The following MAML2 variants were observed in gnomAD, a reference collection of about 807,000 sequenced individuals.
The protein encoded by MAML2 is mastermind-like protein 2.
MAML2 carries 22 observed loss-of-function variants against 96.1 expected under a neutral mutation model. That is an observed-to-expected ratio of 0.23 (90% CI 0.16 to 0.33). The LOEUF is 0.33. Among genes scored for constraint, MAML2 ranks in the 10% least tolerant of loss-of-function variants. MAML2 has a pLI of 1.00. For missense variants in MAML2, 1,367 were observed against 1,392.4 expected (o/e 0.98, Z 0.29); for synonymous variants, 561 against 521.3 (o/e 1.08, Z -1.04).
chr11:96,164,773 A>T lies in MAML2; in HGVS notation c.514-71256T>A, dbSNP rs537985668. Among the ~76,000 whole-genome samples the T allele has an allele frequency of 5.4e-4, 82 of 152,348 alleles. 1 individual carries two copies. Among genetic ancestry groups the T allele is most frequent in the African/African-American group, 1.9e-3 (79 of 41,574 alleles). ...CTTTGATGTACAATGCTTAAGACAG[A>T]TAGTGTGTCACTTTCATAAGTAAAG... On this transcript the variant is annotated intron_variant, in intron 1 of 4. Coordinates refer to ENST00000524717, the MANE Select transcript of MAML2 (RefSeq NM_032427.4).
At chr11:95,986,105 C>T (rs761122689) in intron 3 of MAML2, among the ~76,000 whole-genome samples, 6 of 152,122 alleles carry the variant, frequency 3.9e-5, no homozygotes, top group Non-Finnish European at 8.8e-5. Flanking sequence ...CAGGTACCTA[C>T]GTAGAATTCT....
chr11:96,339,009 A>G (rs10501852), intron 1 of MAML2, among the ~76,000 whole-genome samples: 3,460 of 152,332 alleles, frequency 0.023, 68 homozygotes, highest in Admixed American at 0.041. Flanking sequence ...CGTGCTGAGT[A>G]ACAACGGGCC....
chr11:96,077,522 A>G (rs1309607464), intron 2 of MAML2, among the ~76,000 whole-genome samples: 2 of 152,244 alleles, frequency 1.3e-5, no homozygotes, highest in Non-Finnish European at 2.9e-5. Flanking sequence ...CAACTGGCCT[A>G]CCCCATCTTT....
intron 1 of MAML2, among the ~76,000 whole-genome samples, chr11:96,312,244 A>AAAAAAAAAAAAAAAAT (rs60194294): frequency 1.4e-5 from 2 of 147,740 alleles, no homozygotes; most frequent in Non-Finnish European, 1.5e-5. Flanking sequence ...AAAAAAAAAA[A>AAAAAAAAAAAAAAAAT]GAATGAGCAA....
intron 1 of MAML2, among the ~76,000 whole-genome samples, chr11:96,116,097 G>T (rs933003708): frequency 9.9e-5 from 15 of 152,276 alleles, no homozygotes; most frequent in Admixed American, 7.2e-4. Context: ...AACACAGACA[G>T]CAGAGGGGCA....
At chr11:95,983,526 C>G (rs1303249319) in intron 4 of MAML2, among the ~76,000 whole-genome samples, 1 of 152,064 alleles carries the variant, frequency 6.6e-6, no homozygotes, top group Non-Finnish European at 1.5e-5. Flanking sequence ...ATAATTTATA[C>G]TATGTTTTCA....
At chr11:96,011,182 T>C (rs941674715) in intron 2 of MAML2, among the ~76,000 whole-genome samples, 2 of 152,156 alleles carry the variant, frequency 1.3e-5, no homozygotes, top group African/African-American at 4.8e-5. Context: ...GAACTAAAAA[T>C]AGAACTACCA....
At chr11:96,167,856 G>A (rs773219198) in intron 1 of MAML2, among the ~76,000 whole-genome samples, 10 of 152,138 alleles carry the variant, frequency 6.6e-5, no homozygotes, top group Non-Finnish European at 1.2e-4. Flanking sequence ...TCTTGACACC[G>A]TTGGCAGTTA....
At chr11:96,310,881 A>G (rs1322855503) in intron 1 of MAML2, among the ~76,000 whole-genome samples, 1 of 152,262 alleles carries the variant, frequency 6.6e-6, no homozygotes, top group Non-Finnish European at 1.5e-5. Flanking sequence ...CATATTTTAC[A>G]ATATCATTTA....
intron 2 of MAML2, among the ~76,000 whole-genome samples, chr11:96,037,205 C>CTAA (rs1858730896): frequency 6.6e-6 from 1 of 150,984 alleles, no homozygotes; most frequent in African/African-American, 2.4e-5. Flanking sequence ...ACAACAACAA[C>CTAA]AAAAAAAATA....
At chr11:96,060,948 CTG>C (rs1859149318) in intron 2 of MAML2, among the ~76,000 whole-genome samples, 1 of 152,156 alleles carries the variant, frequency 6.6e-6, no homozygotes, top group Admixed American at 6.5e-5. Flanking sequence ...GAAAGAGAGA[CTG>C]AGAACTCAAG....
At chr11:96,176,798 T>C (rs1202320431) in intron 1 of MAML2, among the ~76,000 whole-genome samples, 3 of 152,132 alleles carry the variant, frequency 2.0e-5, no homozygotes, top group Admixed American at 6.5e-5. Flanking sequence ...CTTTAATCTT[T>C]CCAGGGTTTA....
At chr11:96,274,104 A>T (rs1350874407) in intron 1 of MAML2, among the ~76,000 whole-genome samples, 3 of 114,194 alleles carry the variant, frequency 2.6e-5, no homozygotes, top group South Asian at 5.4e-4. Flanking sequence ...TTTTTTTTAG[A>T]AGGAGTCTCG....
In MAML2 at chr11:95,979,837, G is replaced by A; in HGVS notation, c.2582C>T (p.Ser861Phe). The change falls in exon 5 of 5, where the codon TCT becomes TTT. Residue 861 changes from serine (S) to phenylalanine (F), a missense_variant. Transcript: ENST00000524717. Reference sequence around the variant, plus strand: ...CATCCCCATATTCTGAACTGCTGTAGATAATGATGGCATTCTTGTCCCGTG... The same window carrying A: ...CATCCCCATATTCTGAACTGCTGTAAATAATGATGGCATTCTTGTCCCGTG... Reference protein sequence around the residue: ...TSHGTRMPSLSTAVQNMGMYG... With the variant: ...TSHGTRMPSLFTAVQNMGMYG... The A allele has an allele frequency of 6.2e-7, 1 of 1,613,972 alleles. No homozygotes were observed. Among genetic ancestry groups the A allele is most frequent in the Non-Finnish European group, 8.5e-7 (1 of 1,179,850 alleles).
chr11:96,113,553 AC>A (rs1353290655), intron 1 of MAML2, among the ~76,000 whole-genome samples: 1 of 151,506 alleles, frequency 6.6e-6, no homozygotes, highest in East Asian at 1.9e-4. Flanking sequence ...TCATCCAAGC[AC>A]ACTGAACAGC....
chr11:95,986,498 C>G (rs1028461615), intron 3 of MAML2, among the ~76,000 whole-genome samples: 4 of 152,090 alleles, frequency 2.6e-5, no homozygotes, highest in Non-Finnish European at 4.4e-5. Context: ...CCGCGCCCAG[C>G]TCTGTATTCT....
intron 2 of MAML2, among the ~76,000 whole-genome samples, chr11:96,060,997 C>T (rs1859150156): frequency 6.6e-6 from 1 of 152,084 alleles, no homozygotes; most frequent in Non-Finnish European, 1.5e-5. Flanking sequence ...AGAAAGTGGA[C>T]CTAGAACGAG....
chr11:96,086,801 T>A (rs773864162), intron 2 of MAML2, among the ~76,000 whole-genome samples: 10 of 152,132 alleles, frequency 6.6e-5, no homozygotes, highest in Non-Finnish European at 1.3e-4. Flanking sequence ...GGTAGGCATA[T>A]CAGGAAACTG....
At chr11:96,019,835 A>T (rs972589764) in intron 2 of MAML2, among the ~76,000 whole-genome samples, 10 of 152,156 alleles carry the variant, frequency 6.6e-5, no homozygotes, top group Non-Finnish European at 1.0e-4. Context: ...GAAGAATATG[A>T]TTATACATCA....
Sources: gnomAD v4.1 joint callset for allele counts (sites outside exome capture counted in the v4.1 genomes callset) on GRCh38, gnomAD v4.1.1 for gene constraint, MANE v1.5 for transcripts, NCBI Gene and HGNC (gene_info 2026-07-23, HGNC 2026-07-21) for gene names.